Variants in CCDC102B observed in about 807,000 individuals in gnomAD.
The protein encoded by CCDC102B is coiled-coil domain-containing protein 102B.
In CCDC102B, 75 loss-of-function variants were observed where a neutral mutation model predicts 57.4. That is an observed-to-expected ratio of 1.31 (90% confidence interval 1.08 to 1.58). The LOEUF (loss-of-function observed/expected upper bound fraction) is 1.58, where lower values mean the gene tolerates loss of function less well. CCDC102B is among the 40% of genes most tolerant of loss of function. The pLI, the probability that CCDC102B is intolerant of heterozygous loss-of-function variation, is 0.00. For synonymous variants in CCDC102B, 206 were observed against 201.9 expected, an observed-to-expected ratio of 1.02 and a Z score of -0.17; for missense variants, 636 against 582.6, an observed-to-expected ratio of 1.09 and a Z score of -0.94.
chr18:68,876,796 C>G (rs2039467146), intron 5 of CCDC102B, among the ~76,000 whole-genome samples: 1 of 152,046 alleles, frequency 6.6e-6, no homozygotes, highest in Non-Finnish European at 1.5e-5. Context: ...ATTTATATGA[C>G]TAAACCACTG....
At chr18:68,758,107 C>T (rs1173313197) in intron 2 of CCDC102B, among the ~76,000 whole-genome samples, 1 of 151,910 alleles carries the variant, frequency 6.6e-6, no homozygotes, top group Non-Finnish European at 1.5e-5. Context: ...ACTAAAAATA[C>T]ATTTTCATTT....
intron 7 of CCDC102B, among the ~76,000 whole-genome samples, chr18:69,021,201 T>C (rs2051823841): frequency 6.6e-6 from 1 of 152,240 alleles, no homozygotes. Flanking sequence ...TTTAAACAGT[T>C]CTTTATTTAG....
chr18:68,882,771 CT>C (rs34794083), intron 5 of CCDC102B, among the ~76,000 whole-genome samples: 3,662 of 152,272 alleles, frequency 0.024, 145 homozygotes, highest in African/African-American at 0.084. Context: ...CTGTTTCCTA[CT>C]TTCTCTTCGA....
intron 6 of CCDC102B, among the ~76,000 whole-genome samples, chr18:68,909,143 GAC>G (rs2040747512): frequency 7.1e-6 from 1 of 140,636 alleles, no homozygotes; most frequent in South Asian, 2.2e-4. Flanking sequence ...CAGGAAAGAA[GAC>G]ACAGAAAAAA....
Position 68,817,161 on chromosome 18 carries a change from A to G in CCDC102B, c.-16+18980A>G, listed in dbSNP as rs192915027. Among the ~76,000 whole-genome samples, 961 of 152,320 alleles carry G rather than the reference A, an allele frequency of 6.3e-3. 5 individuals carry two copies. Among genetic ancestry groups the G allele is most frequent in the Non-Finnish European group, 9.0e-3 (609 of 68,034 alleles). Reference sequence around the variant, plus strand: ...CAATTCTTGATGACTTTTATAAAACACTTGATTCACATTACATATGCCTGA... The same window carrying G: ...CAATTCTTGATGACTTTTATAAAACGCTTGATTCACATTACATATGCCTGA... On this transcript the variant is annotated intron_variant, in intron 1 of 7. Coordinates refer to ENST00000360242, the MANE Select transcript of CCDC102B (RefSeq NM_024781.3).
At chr18:69,041,761 A>C (rs747793473) in intron 7 of CCDC102B, among the ~76,000 whole-genome samples, 25 of 151,688 alleles carry the variant, frequency 1.6e-4, no homozygotes, top group Non-Finnish European at 3.1e-4. Flanking sequence ...TTCATTTCTC[A>C]ATTGCTCTGA....
intron 4 of CCDC102B, among the ~76,000 whole-genome samples, chr18:68,867,827 GAC>G (rs2039067949): frequency 9.5e-6 from 1 of 105,322 alleles, no homozygotes; most frequent in Non-Finnish European, 2.1e-5. Flanking sequence ...CCAGCTACTC[GAC>G]AGGCTGAGGC....
At chr18:68,769,194 G>A (rs747238676) in intron 2 of CCDC102B, among the ~76,000 whole-genome samples, 3 of 151,660 alleles carry the variant, frequency 2.0e-5, no homozygotes, top group Non-Finnish European at 4.4e-5. Context: ...CGGAGGCTGC[G>A]GTGAGCCGAA....
chr18:69,011,152 T>G (rs2051504996), intron 7 of CCDC102B, 48 bp downstream of exon 7: 2 of 1,492,826 alleles, frequency 1.3e-6, no homozygotes, highest in Admixed American at 2.0e-5. Context: ...TAAATAGTAT[T>G]TTAGAGCATA....
chr18:68,806,024 G>T (rs1376417017), intron 1 of CCDC102B, among the ~76,000 whole-genome samples: 1 of 152,026 alleles, frequency 6.6e-6, no homozygotes, highest in Non-Finnish European at 1.5e-5. Flanking sequence ...GCAAGACAAA[G>T]AAGCCTTCAA....
chr18:68,725,293 A>G (rs2032542741), intron 2 of CCDC102B, among the ~76,000 whole-genome samples: 2 of 152,220 alleles, frequency 1.3e-5, no homozygotes, highest in Non-Finnish European at 1.5e-5. Context: ...AAGGCACTAT[A>G]TTAATTTTCT....
At chr18:68,722,786 A>T (rs1375960058) in intron 2 of CCDC102B, among the ~76,000 whole-genome samples, 1 of 152,092 alleles carries the variant, frequency 6.6e-6, no homozygotes, top group Non-Finnish European at 1.5e-5. Flanking sequence ...AAGCAAATAT[A>T]CTTGGCTTGT....
intron 5 of CCDC102B, among the ~76,000 whole-genome samples, chr18:68,884,745 T>G (rs538150486): frequency 6.7e-6 from 1 of 148,448 alleles, no homozygotes; most frequent in East Asian, 1.9e-4. Context: ...TATAATATAT[T>G]TATATATATT....
In CCDC102B at chr18:69,054,937, A is replaced by C. The variant is rs2052790931; in HGVS notation, c.*800A>C. Reference sequence around the variant, plus strand: ...AAATTAGGAAATTGTGGTTATGTGAATATTTCTTTAAAACTTTTATGTACA... The same window carrying C: ...AAATTAGGAAATTGTGGTTATGTGACTATTTCTTTAAAACTTTTATGTACA... On this transcript the variant is annotated 3_prime_UTR_variant, in exon 8 of 8. Transcript: ENST00000360242. 1.0e-6 allele frequency: 1 copy of C among 984,904 alleles called. No individual in the cohort carries two copies. Among genetic ancestry groups the C allele is most frequent in the Non-Finnish European group, 1.2e-6 (1 of 829,642 alleles). 61.0% of individuals were successfully genotyped at this position (984,904 alleles called of 1,614,324 possible).
At chr18:68,778,367 A>C (rs2144628641) in intron 2 of CCDC102B, among the ~76,000 whole-genome samples, 1 of 152,220 alleles carries the variant, frequency 6.6e-6, no homozygotes, top group East Asian at 1.9e-4. Flanking sequence ...TTTCTGTATA[A>C]GTTTGATTGC....
chr18:68,884,083 A>G (rs1407580317), intron 5 of CCDC102B, among the ~76,000 whole-genome samples: 1 of 152,194 alleles, frequency 6.6e-6, no homozygotes, highest in African/African-American at 2.4e-5. Context: ...AGATTGGTAC[A>G]GCCATCATGG....
intron 6 of CCDC102B, among the ~76,000 whole-genome samples, chr18:68,981,166 T>TA (rs2050570374): frequency 6.6e-6 from 1 of 151,964 alleles, no homozygotes; most frequent in Non-Finnish European, 1.5e-5. Flanking sequence ...AATTAAAACT[T>TA]ACAGATAGCA....
At chr18:68,877,289 G>T (rs1047205376) in intron 5 of CCDC102B, among the ~76,000 whole-genome samples, 1 of 152,152 alleles carries the variant, frequency 6.6e-6, no homozygotes, top group African/African-American at 2.4e-5. Context: ...GTAAATATTA[G>T]CTTGTCTTAG....
chr18:69,027,365 C>CA (rs1361637782), intron 7 of CCDC102B, among the ~76,000 whole-genome samples: 1 of 152,120 alleles, frequency 6.6e-6, no homozygotes, highest in Non-Finnish European at 1.5e-5. Context: ...ATCTAAAGCA[C>CA]ATTTTCCAAC....
Sources: allele counts gnomAD v4.1 joint callset (sites outside exome capture counted in the v4.1 genomes callset), GRCh38; gene constraint gnomAD v4.1.1; transcripts MANE v1.5; gene names NCBI Gene and HGNC (gene_info 2026-07-23, HGNC 2026-07-21).